Variants in FAM120A observed in about 807,000 individuals in gnomAD.
FAM120A encodes constitutive coactivator of PPAR-gamma-like protein 1.
Under a neutral mutation model 109.7 loss-of-function variants are expected in FAM120A, and 15 were observed. The observed-to-expected ratio is 0.14, with a 90% CI of 0.09 to 0.21. FAM120A has a LOEUF of 0.21. Among genes scored for constraint, FAM120A ranks in the 10% least tolerant of loss-of-function variants. The pLI is 1.00. For missense variants in FAM120A, 899 were observed against 1,439.3 expected, an observed-to-expected ratio of 0.62 and a Z score of 6.07; for synonymous variants, 493 against 572.8, an observed-to-expected ratio of 0.86 and a Z score of 1.99.
rs914386212 is a variant in FAM120A at position 93,498,613 on chromosome 9, G to A, written c.934-177G>A. 6.6e-6 allele frequency among the ~76,000 whole-genome samples: 1 copy of A among 152,114 alleles called. No homozygotes were observed. Among genetic ancestry groups the A allele is most frequent in the African/African-American group, 2.4e-5 (1 of 41,414 alleles). ...ATTGCTTTAAAAGAATTCACGTTTG[G>A]TTTGATTCTTTTGTAGTAATCTATT... is the stretch of plus-strand genomic sequence containing the variant. On this transcript the variant is annotated intron_variant, in intron 4 of 17. Transcript: ENST00000277165. This position sits in a 1 kb window ranked among gnomAD's most constrained non-coding sequence, Gnocchi z 4.4.
At chr9:93,477,272 A>G (rs1310738181) in intron 3 of FAM120A, among the ~76,000 whole-genome samples, 1 of 152,200 alleles carries the variant, frequency 6.6e-6, no homozygotes, top group Non-Finnish European at 1.5e-5. Context: ...AACTCTGGTG[A>G]TACCCAAAAG....
intron 1 of FAM120A, chr9:93,453,049 C>T: frequency 2.7e-6 from 3 of 1,118,752 alleles, no homozygotes; most frequent in Non-Finnish European, 3.3e-6. Flanking sequence ...GACCCGTGCA[C>T]TTTGACAGGA....
intron 2 of FAM120A, among the ~76,000 whole-genome samples, chr9:93,475,706 G>A (rs1445024081): frequency 1.3e-5 from 2 of 152,190 alleles, no homozygotes; most frequent in Non-Finnish European, 2.9e-5. Flanking sequence ...ATTACTGTAG[G>A]ATGGGCCTTT....
chr9:93,453,144 A>C, intron 1 of FAM120A: 1 of 1,003,700 alleles, frequency 1.0e-6, no homozygotes, highest in Non-Finnish European at 1.2e-6. Context: ...ATGCGAAAGG[A>C]GTCGCTCAAA....
chr9:93,517,909 C>T (rs1860670183), intron 7 of FAM120A, among the ~76,000 whole-genome samples: 1 of 152,122 alleles, frequency 6.6e-6, no homozygotes, highest in African/African-American at 2.4e-5. Flanking sequence ...TCTGGGTATG[C>T]ACTTCCTACC....
At chr9:93,459,382 C>T (rs527503584) in intron 1 of FAM120A, among the ~76,000 whole-genome samples, 46 of 152,204 alleles carry the variant, frequency 3.0e-4, no homozygotes, top group Non-Finnish European at 5.4e-4. Context: ...ATTTCAAAAT[C>T]TGGATCAATG....
chr9:93,556,195 A>T (rs1369026579), intron 12 of FAM120A, among the ~76,000 whole-genome samples, 187 bp from the exon 13 acceptor site: 1 of 152,238 alleles, frequency 6.6e-6, no homozygotes, highest in Non-Finnish European at 1.5e-5. Flanking sequence ...AAATGTGTTA[A>T]ATCACATAAG....
intron 5 of FAM120A, among the ~76,000 whole-genome samples, chr9:93,513,624 G>A (rs58763628): frequency 0.015 from 2,279 of 152,300 alleles, 63 homozygotes; most frequent in African/African-American, 0.051. Flanking sequence ...AGCCAGGATC[G>A]AAGGGCTATG....
intron 7 of FAM120A, among the ~76,000 whole-genome samples, chr9:93,517,055 TCA>T (rs2131413467): frequency 6.6e-6 from 1 of 152,300 alleles, no homozygotes; most frequent in African/African-American, 2.4e-5. Flanking sequence ...GACATAGGTG[TCA>T]GCTTCCATGC....
intron 1 of FAM120A, among the ~76,000 whole-genome samples, chr9:93,457,492 C>G (rs1256840999): frequency 6.6e-6 from 1 of 152,056 alleles, no homozygotes; most frequent in Non-Finnish European, 1.5e-5. Flanking sequence ...AGCTCTAAGT[C>G]TTTTCAGTCC....
intron 5 of FAM120A, among the ~76,000 whole-genome samples, chr9:93,509,085 T>G (rs10821147): frequency 1.3e-5 from 2 of 152,204 alleles, no homozygotes; most frequent in East Asian, 3.9e-4. Flanking sequence ...AAATCTGTAG[T>G]GTAACCTGCC....
intron 1 of FAM120A, chr9:93,453,555 C>T (rs538575053): frequency 2.0e-6 from 2 of 985,376 alleles, no homozygotes; most frequent in South Asian, 4.7e-5. Flanking sequence ...CCCCACTGCC[C>T]GCGAGGAGAT....
chr9:93,511,390 G>T (rs1212918128), intron 5 of FAM120A, among the ~76,000 whole-genome samples: 1 of 152,154 alleles, frequency 6.6e-6, no homozygotes, highest in Non-Finnish European at 1.5e-5. Context: ...TCCATCCTTT[G>T]CCTCCCTGGG....
At chr9:93,482,147 A>G (rs1215562401) in intron 3 of FAM120A, among the ~76,000 whole-genome samples, 4 of 150,278 alleles carry the variant, frequency 2.7e-5, no homozygotes, top group African/African-American at 9.8e-5. Context: ...GGGGCAATCT[A>G]TCAGGCTGTA....
At position 93,497,473 on chromosome 9, in the gene FAM120A, C is replaced by T. The variant is rs2131348369; in HGVS notation, c.807C>T (p.Val269=). The change falls in exon 4 of 18, where the codon GTC becomes GTT. Residue 269 remains valine (V), a splice_region_variant and synonymous_variant. Transcript: ENST00000277165. ...GPEHPLASLK[V]RAHQLVLPPC... ...GACACTTACGTTTGTTTTCTCAGGT[C>T]CGGGCCCACCAGCTGGTCTTGCCAC... 1 of 1,612,950 alleles carries T rather than the reference C, an allele frequency of 6.2e-7. No homozygotes were observed. The highest frequency in any genetic ancestry group is 8.5e-7 in the Non-Finnish European group (1 of 1,179,592).
At chr9:93,506,634 G>A (rs1200917294) in intron 5 of FAM120A, among the ~76,000 whole-genome samples, 4 of 149,376 alleles carry the variant, frequency 2.7e-5, no homozygotes, top group Non-Finnish European at 4.4e-5. Flanking sequence ...GTCTCGCTCT[G>A]TCGCCCAGAC....
At chr9:93,505,561 T>C (rs1425001754) in intron 5 of FAM120A, among the ~76,000 whole-genome samples, 1 of 152,242 alleles carries the variant, frequency 6.6e-6, no homozygotes, top group Non-Finnish European at 1.5e-5. Flanking sequence ...TTGTTGTTTG[T>C]ACCTTTAAGT....
chr9:93,472,514 G>GAC, intron 2 of FAM120A, among the ~76,000 whole-genome samples: 2 of 152,268 alleles, frequency 1.3e-5, no homozygotes, highest in Middle Eastern at 6.8e-3. Flanking sequence ...GGCTGTTTTG[G>GAC]ACACACAAGG....
chr9:93,457,206 G>A (rs1412387665), intron 1 of FAM120A, among the ~76,000 whole-genome samples: 1 of 152,162 alleles, frequency 6.6e-6, no homozygotes, highest in African/African-American at 2.4e-5. Context: ...TATGAGCATA[G>A]TATACAAAGA....
Sources: allele counts gnomAD v4.1 joint callset (sites outside exome capture counted in the v4.1 genomes callset), GRCh38; gene constraint gnomAD v4.1.1; non-coding constraint Gnocchi (gnomAD v3.1); transcripts MANE v1.5; gene names NCBI Gene and HGNC (gene_info 2026-07-23, HGNC 2026-07-21).